Variants in FHIP1A observed in about 807,000 individuals in gnomAD.
The protein encoded by FHIP1A is FHF complex subunit HOOK interacting protein 1A.
In FHIP1A, 61 loss-of-function variants were observed where a neutral mutation model predicts 88.6. The observed-to-expected ratio is 0.69, with a 90% CI of 0.56 to 0.85. The LOEUF is 0.85. FHIP1A is among the 40% of genes least tolerant of loss of function. The pLI is 0.00. For synonymous variants in FHIP1A, 478 were observed against 496.0 expected (o/e 0.96, Z 0.48); for missense variants, 1,154 against 1,273.5 (o/e 0.91, Z 1.43).
chr4:151,459,135 T>C (rs886079912), intron 2 of FHIP1A, among the ~76,000 whole-genome samples: 1 of 152,152 alleles, frequency 6.6e-6, no homozygotes, highest in African/African-American at 2.4e-5. Flanking sequence ...GTGAGAGGGC[T>C]GCTTGCATAA....
At chr4:151,642,569 G>T (rs1736626121) in intron 9 of FHIP1A, among the ~76,000 whole-genome samples, 1 of 152,156 alleles carries the variant, frequency 6.6e-6, no homozygotes, top group Non-Finnish European at 1.5e-5. Context: ...TGATCTTTTT[G>T]AATTCACTAA....
intron 1 of FHIP1A, among the ~76,000 whole-genome samples, chr4:151,439,420 A>G (rs1199229759): frequency 3.9e-5 from 6 of 151,996 alleles, no homozygotes; most frequent in African/African-American, 7.2e-5. Flanking sequence ...AATTTTAAAA[A>G]GTTTTTTTTT....
intron 1 of FHIP1A, among the ~76,000 whole-genome samples, chr4:151,428,728 C>T (rs1300204221): frequency 2.0e-5 from 3 of 152,158 alleles, no homozygotes; most frequent in African/African-American, 7.2e-5. Context: ...ACTCTCAATA[C>T]TTGAGGACCA....
intron 2 of FHIP1A, among the ~76,000 whole-genome samples, chr4:151,461,290 A>G (rs1296882043): frequency 6.6e-6 from 1 of 152,204 alleles, no homozygotes; most frequent in Non-Finnish European, 1.5e-5. Context: ...GTTGGATGAA[A>G]TAATACATAC....
rs1193363061 is a variant in FHIP1A, at chr4:151,667,792, C to T, written c.*5038C>T. Among the ~76,000 whole-genome samples, 4 of 152,184 alleles carry T rather than the reference C, an allele frequency of 2.6e-5. No individual in the cohort carries two copies. The highest frequency in any genetic ancestry group is 9.7e-5 in the African/African-American group (4 of 41,434). On this transcript the variant is annotated 3_prime_UTR_variant, in exon 14 of 14. Coordinates refer to ENST00000435205, the MANE Select transcript of FHIP1A (RefSeq NM_001109977.3). ...AGTTCACTGTTACCTACACAAGTAA[C>T]AAGACGGCCAATAGGACCTGTCAGC...
chr4:151,512,746 T>C (rs1731086333), intron 3 of FHIP1A, among the ~76,000 whole-genome samples: 1 of 151,896 alleles, frequency 6.6e-6, no homozygotes, highest in African/African-American at 2.4e-5. Context: ...AAGGGAAGTT[T>C]AGAGAAAAAA....
In FHIP1A at chr4:151,665,804, A is replaced by G. The variant is rs1737642361; in HGVS notation, c.*3050A>G. On this transcript the variant is annotated 3_prime_UTR_variant, in exon 14 of 14. Transcript: ENST00000435205. ...TCTTTTTTTATAATGAGTTGGGGGG[A>G]AAATCTTAAATATGTTTGGCATGCT... Among the ~76,000 whole-genome samples the G allele has an allele frequency of 6.6e-6, 1 of 152,228 alleles. No homozygotes were observed. Among genetic ancestry groups the G allele is most frequent in the South Asian group, 2.1e-4 (1 of 4,834 alleles).
At chr4:151,596,681 T>C (rs148592206) in intron 7 of FHIP1A, among the ~76,000 whole-genome samples, 1 of 152,334 alleles carries the variant, frequency 6.6e-6, no homozygotes, top group African/African-American at 2.4e-5. Context: ...GGTTTGGTCT[T>C]TTCACATAGT....
At chr4:151,544,775 A>G (rs1403538946) in intron 3 of FHIP1A, among the ~76,000 whole-genome samples, 1 of 152,168 alleles carries the variant, frequency 6.6e-6, no homozygotes. Context: ...CTCTGGAACC[A>G]GTTCTCTGAG....
chr4:151,635,174 ATAT>A (rs1368635935), intron 8 of FHIP1A, among the ~76,000 whole-genome samples: 2 of 151,880 alleles, frequency 1.3e-5, no homozygotes, highest in Non-Finnish European at 1.5e-5. Flanking sequence ...CCACAATGAG[ATAT>A]TATCTCATAT....
At chr4:151,562,865 G>A (rs1403064045) in intron 3 of FHIP1A, among the ~76,000 whole-genome samples, 1 of 152,138 alleles carries the variant, frequency 6.6e-6, no homozygotes, top group Admixed American at 6.6e-5. Context: ...TGGAAAAAGT[G>A]AAGAAATTTT....
chr4:151,471,780 C>T (rs1729521286), intron 2 of FHIP1A, among the ~76,000 whole-genome samples: 1 of 152,080 alleles, frequency 6.6e-6, no homozygotes, highest in Non-Finnish European at 1.5e-5. Context: ...CCACCCATTC[C>T]CCCTGAGTCC....
chr4:151,471,285 C>T (rs1580605014), intron 2 of FHIP1A, among the ~76,000 whole-genome samples: 3 of 136,254 alleles, frequency 2.2e-5, no homozygotes, highest in South Asian at 4.7e-4. Context: ...GGAATTGTTC[C>T]TTTTTTTTTT....
intron 3 of FHIP1A, among the ~76,000 whole-genome samples, chr4:151,563,356 A>C (rs1194398336): frequency 1.3e-5 from 2 of 152,114 alleles, no homozygotes. Flanking sequence ...ATAAAAAAAA[A>C]ATCACTCCTT....
In FHIP1A at chr4:151,493,510, C is replaced by T. The variant is rs143480080; in HGVS notation, c.-123+10862C>T. On this transcript the variant is annotated intron_variant, in intron 3 of 13. Transcript: ENST00000435205. Reference sequence around the variant, plus strand: ...CCCTAATACCAAAACCAGGAAAGGACGTACCAAAAAAAAAGAAAATTACAG... The same window carrying T: ...CCCTAATACCAAAACCAGGAAAGGATGTACCAAAAAAAAAGAAAATTACAG... Among the ~76,000 whole-genome samples, 8 of 151,772 alleles carry T rather than the reference C, an allele frequency of 5.3e-5. No homozygotes were observed. The East Asian group carries it at 5.8e-4, about 11-fold the overall frequency.
intron 1 of FHIP1A, among the ~76,000 whole-genome samples, chr4:151,448,762 G>A (rs902585570): frequency 6.6e-6 from 1 of 152,148 alleles, no homozygotes; most frequent in African/African-American, 2.4e-5. Flanking sequence ...GAACATGGGT[G>A]CACAAATATC....
intron 3 of FHIP1A, among the ~76,000 whole-genome samples, chr4:151,546,277 G>A (rs1250055758): frequency 6.6e-6 from 1 of 152,164 alleles, no homozygotes; most frequent in Non-Finnish European, 1.5e-5. Flanking sequence ...CTCACTCTCA[G>A]GTTCTCAGGC....
chr4:151,578,541 G>T (rs1012100651), intron 5 of FHIP1A, among the ~76,000 whole-genome samples: 1 of 152,158 alleles, frequency 6.6e-6, no homozygotes, highest in Non-Finnish European at 1.5e-5. Flanking sequence ...GGAACATGGG[G>T]GGGTGGAGTG....
chr4:151,417,506 G>A (rs565913641), intron 1 of FHIP1A, among the ~76,000 whole-genome samples: 21 of 152,304 alleles, frequency 1.4e-4, no homozygotes, highest in Admixed American at 1.1e-3. Context: ...TTTGGGAGGG[G>A]ACCAATCCGA....
Sources: allele counts gnomAD v4.1 joint callset (sites outside exome capture counted in the v4.1 genomes callset), GRCh38; gene constraint gnomAD v4.1.1; transcripts MANE v1.5; gene names NCBI Gene and HGNC (gene_info 2026-07-23, HGNC 2026-07-21).